The following GDAP1L1 variants were observed in gnomAD, a reference collection of about 807,000 sequenced individuals.
GDAP1L1 encodes ganglioside induced differentiation associated protein 1 like 1.
Under a neutral mutation model 37.1 loss-of-function variants are expected in GDAP1L1, and 21 were observed. The ratio of observed to expected loss-of-function variants is 0.57; its 90% CI spans 0.40 to 0.81. GDAP1L1 has a LOEUF of 0.81. Among genes scored for constraint, GDAP1L1 ranks in the 40% least tolerant of loss-of-function variants. GDAP1L1 has a pLI of 0.00. For missense variants in GDAP1L1, 362 were observed against 491.6 expected, an observed-to-expected ratio of 0.74 and a Z score of 2.49; for synonymous variants, 193 against 209.1, an observed-to-expected ratio of 0.92 and a Z score of 0.67.
chr20:44,252,150 T>C (rs779122962), intron 1 of GDAP1L1, among the ~76,000 whole-genome samples: 9 of 152,234 alleles, frequency 5.9e-5, no homozygotes, highest in Non-Finnish European at 1.0e-4. Context: ...AATTTTCCCA[T>C]CCTAGTTCAA....
intron 5 of GDAP1L1, chr20:44,265,286 C>A: frequency 1.0e-6 from 1 of 985,336 alleles, no homozygotes; most frequent in Non-Finnish European, 1.2e-6. Flanking sequence ...ACAGCCCCTC[C>A]CTCCTGGAGC....
At chr20:44,266,745 T>C (rs1022397634) in intron 5 of GDAP1L1, among the ~76,000 whole-genome samples, 1 of 152,070 alleles carries the variant, frequency 6.6e-6, no homozygotes, top group Non-Finnish European at 1.5e-5. Flanking sequence ...TTTCCTCCTA[T>C]AAATACTTTA....
rs2062620677 is a variant in GDAP1L1 at position 44,279,577 on chromosome 20, T to C, written c.*277T>C. 1 of 562,790 alleles carries C rather than the reference T, an allele frequency of 1.8e-6. No individual in the cohort carries two copies. The highest frequency in any genetic ancestry group is 3.5e-6 in the Non-Finnish European group (1 of 287,494). 34.9% of individuals were successfully genotyped at this position (562,790 alleles called of 1,614,324 possible). ...AAAACACGAATGCCTTTTCTATCGA[T>C]TCAAGGTCTCAAGATGGAACTGTGG... is the stretch of plus-strand genomic sequence containing the variant. On this transcript the variant is annotated 3_prime_UTR_variant, in exon 6 of 6. Transcript: ENST00000342560.
chr20:44,279,735 G>C lies in GDAP1L1; in HGVS notation c.*435G>C, dbSNP rs1483150472. 2 of 472,638 alleles carry C rather than the reference G, an allele frequency of 4.2e-6. No homozygotes were observed. The highest frequency in any genetic ancestry group is 2.0e-5 in the African/African-American group (1 of 50,114). 29.3% of individuals were successfully genotyped at this position (472,638 alleles called of 1,614,324 possible). ...TCTTGCCCAGGGAACTCTTCCACAG[G>C]ACAAAGCCGACATCAAGACTCAACT... On this transcript the variant is annotated 3_prime_UTR_variant, in exon 6 of 6. Coordinates refer to ENST00000342560, the MANE Select transcript of GDAP1L1 (RefSeq NM_024034.6).
chr20:44,251,914 A>G (rs1340030239), intron 1 of GDAP1L1, among the ~76,000 whole-genome samples: 1 of 152,252 alleles, frequency 6.6e-6, no homozygotes, highest in East Asian at 1.9e-4. Flanking sequence ...AACCCCTTAT[A>G]TAACACGGTC....
At position 44,279,459 on chromosome 20, in the gene GDAP1L1, A is replaced by C; in HGVS notation, c.*159A>C. On this transcript the variant is annotated 3_prime_UTR_variant, in exon 6 of 6. Coordinates refer to ENST00000342560, the MANE Select transcript of GDAP1L1 (RefSeq NM_024034.6). ...TCAGTGTGAAAACATTCCGTAGTTT[A>C]GAAGTAGACGTTGCCAATGCTGTGA... 1 of 712,852 alleles carries C rather than the reference A, an allele frequency of 1.4e-6. No individual in the cohort carries two copies. Among genetic ancestry groups the C allele is most frequent in the Non-Finnish European group, 2.6e-6 (1 of 385,888 alleles). 44.2% of individuals were successfully genotyped at this position (712,852 alleles called of 1,614,324 possible).
chr20:44,267,263 G>T (rs968849621), intron 5 of GDAP1L1, among the ~76,000 whole-genome samples: 1 of 152,160 alleles, frequency 6.6e-6, no homozygotes, highest in Non-Finnish European at 1.5e-5. Context: ...AACAGATGAG[G>T]ATCCTGTTTA....
At position 44,259,387 on chromosome 20, in the gene GDAP1L1, C is replaced by T. The variant is rs142514343; in HGVS notation, c.547+780C>T. ...GCTCAGTGAATGGTCATGTCGTCCC[C>T]CTCAAAGGAATGTGGCTAATGTTCA... On this transcript the variant is annotated intron_variant, in intron 3 of 5. Coordinates refer to ENST00000342560, the MANE Select transcript of GDAP1L1 (RefSeq NM_024034.6). Among the ~76,000 whole-genome samples, 245 of 152,284 alleles carry T rather than the reference C, an allele frequency of 1.6e-3. 1 individual carries two copies. Among genetic ancestry groups the T allele is most frequent in the African/African-American group, 5.0e-3 (208 of 41,558 alleles).
At chr20:44,257,562 G>C (rs562135062) in intron 2 of GDAP1L1, among the ~76,000 whole-genome samples, 23 of 152,168 alleles carry the variant, frequency 1.5e-4, no homozygotes, top group Non-Finnish European at 2.9e-4. Context: ...GATCCATACA[G>C]AGACCTCCCC....
intron 5 of GDAP1L1, among the ~76,000 whole-genome samples, chr20:44,272,360 T>G (rs529876068): frequency 6.6e-6 from 1 of 152,244 alleles, no homozygotes; most frequent in African/African-American, 2.4e-5. Context: ...TGCTATCTTC[T>G]GAACGAACCA....
chr20:44,259,652 T>C (rs1311483734), intron 3 of GDAP1L1, among the ~76,000 whole-genome samples: 1 of 152,080 alleles, frequency 6.6e-6, no homozygotes, highest in Non-Finnish European at 1.5e-5. Flanking sequence ...CATGCTGCCA[T>C]GCCTTGCTAA....
intron 1 of GDAP1L1, among the ~76,000 whole-genome samples, chr20:44,248,906 TGTA>T (rs1299965776): frequency 3.3e-5 from 5 of 152,336 alleles, no homozygotes; most frequent in African/African-American, 1.2e-4. Flanking sequence ...CTTTATAATC[TGTA>T]AAATGGGGTG....
At chr20:44,247,227 G>T, upstream of GDAP1L1, 1 of 1,076,222 alleles carries the variant, frequency 9.3e-7, no homozygotes, top group South Asian at 1.4e-5. Context: ...TCACGGAGCG[G>T]GGAGGGAGGG....
intron 2 of GDAP1L1, among the ~76,000 whole-genome samples, chr20:44,257,625 G>A (rs879526146): frequency 6.6e-6 from 1 of 151,896 alleles, no homozygotes; most frequent in Non-Finnish European, 1.5e-5. Flanking sequence ...AGGAGCAGTG[G>A]GGCTATAGCC....
intron 1 of GDAP1L1, among the ~76,000 whole-genome samples, chr20:44,252,173 T>C (rs1223308889): frequency 1.3e-5 from 2 of 152,242 alleles, no homozygotes; most frequent in African/African-American, 4.8e-5. Context: ...AGCCCCTGAA[T>C]TAATTCATGG....
At chr20:44,259,508 T>TG (rs2073634581) in intron 3 of GDAP1L1, among the ~76,000 whole-genome samples, 1 of 151,394 alleles carries the variant, frequency 6.6e-6, no homozygotes, top group Non-Finnish European at 1.5e-5. Context: ...TTTTTTTTTT[T>TG]TTTGTGAGAC....
rs1253039802 is a variant in GDAP1L1 at position 44,279,714 on chromosome 20, G to T, written c.*414G>T. 2.1e-6 allele frequency: 1 copy of T among 473,796 alleles called. No homozygotes were observed. The highest frequency in any genetic ancestry group is 2.0e-5 in the African/African-American group (1 of 50,180). The allele number at this position is 473,796 out of a possible 1,614,324, so 29.3% of individuals were successfully genotyped here. A position where few individuals can be genotyped will look rare whatever the true frequency, so the allele number is the denominator to read the frequency against. On this transcript the variant is annotated 3_prime_UTR_variant, in exon 6 of 6. Transcript: ENST00000342560. ...GACCCCTCACCTCCCCTTCCCTCTT[G>T]CCCAGGGAACTCTTCCACAGGACAA...
chr20:44,267,949 T>G (rs1227907253), intron 5 of GDAP1L1, among the ~76,000 whole-genome samples: 1 of 152,062 alleles, frequency 6.6e-6, no homozygotes, highest in African/African-American at 2.4e-5. Context: ...GATGGAGAGG[T>G]GTCGACAGTC....
At chr20:44,251,538 G>A (rs1431701761) in intron 1 of GDAP1L1, among the ~76,000 whole-genome samples, 1 of 152,200 alleles carries the variant, frequency 6.6e-6, no homozygotes, top group Non-Finnish European at 1.5e-5. Context: ...AACTCTTAGG[G>A]CTGACCCTCC....
Sources: allele counts gnomAD v4.1 joint callset (sites outside exome capture counted in the v4.1 genomes callset), GRCh38; gene constraint gnomAD v4.1.1; transcripts MANE v1.5; gene names NCBI Gene and HGNC (gene_info 2026-07-23, HGNC 2026-07-21).